SDC2: variants seen among roughly 807,000 people sequenced by gnomAD.
SDC2 encodes syndecan 2, also known as syndecan-2.
A neutral mutation model predicts 22.2 loss-of-function variants in SDC2; 13 were observed. The observed-to-expected ratio is 0.59, with a 90% confidence interval of 0.38 to 0.93. The LOEUF is 0.93. Among genes scored for constraint, SDC2 ranks in the 40% least tolerant of loss-of-function variants. The pLI, the probability that SDC2 is intolerant of heterozygous loss-of-function variation, is 0.00. For synonymous variants in SDC2, 94 were observed against 92.8 expected (o/e 1.01, Z -0.07); for missense variants, 235 against 246.8 (o/e 0.95, Z 0.32).
intron 4 of SDC2, 90 bp downstream of exon 4, chr8:96,608,560 G>GCAC: frequency 8.4e-7 from 1 of 1,195,734 alleles, no homozygotes; most frequent in Non-Finnish European, 1.2e-6. Flanking sequence ...AAAGCTTGCT[G>GCAC]TCATCTTTCT....
chr8:96,589,200 CA>C (rs1386597733), intron 1 of SDC2, among the ~76,000 whole-genome samples: 3 of 152,134 alleles, frequency 2.0e-5, no homozygotes, highest in African/African-American at 7.2e-5. Flanking sequence ...CTCAATTTTC[CA>C]ACCTAAAGGT....
Position 96,499,770 on chromosome 8 carries a change from T to C in SDC2, c.60+5439T>C, listed in dbSNP as rs142230408. Among the ~76,000 whole-genome samples the C allele has an allele frequency of 3.7e-3, 558 of 152,050 alleles. 5 individuals carry two copies. Among genetic ancestry groups the C allele is most frequent in the African/African-American group, 0.01 (417 of 41,498 alleles). On this transcript the variant is annotated intron_variant, in intron 1 of 4. Transcript: ENST00000302190. ...TCCTTTCCTCTCTTGGCCTTTTTTTTTTTGGCAATGAAATGAATGAAATGA... is the reference window on the plus strand; with the variant it reads ...TCCTTTCCTCTCTTGGCCTTTTTTTCTTTGGCAATGAAATGAATGAAATGA...
At chr8:96,602,719 T>G (rs1484084164) in intron 3 of SDC2, among the ~76,000 whole-genome samples, 191 bp downstream of exon 3, 1 of 152,210 alleles carries the variant, frequency 6.6e-6, no homozygotes, top group South Asian at 2.1e-4. Flanking sequence ...TCAGGTGGTG[T>G]TATAAATGGC....
At chr8:96,546,808 C>G (rs1383794015) in intron 1 of SDC2, among the ~76,000 whole-genome samples, 1 of 152,184 alleles carries the variant, frequency 6.6e-6, no homozygotes, top group Non-Finnish European at 1.5e-5. Flanking sequence ...CATTAAAGAT[C>G]CGTCAGAACG....
chr8:96,549,122 T>C (rs949624529), intron 1 of SDC2, among the ~76,000 whole-genome samples: 14 of 152,178 alleles, frequency 9.2e-5, no homozygotes, highest in Admixed American at 7.2e-4. Context: ...AATCTGAGTA[T>C]AGGAATCTAA....
chr8:96,558,028 A>G (rs1159346527), intron 1 of SDC2, among the ~76,000 whole-genome samples: 3 of 152,068 alleles, frequency 2.0e-5, no homozygotes, highest in Non-Finnish European at 4.4e-5. Context: ...AAAGCCCATA[A>G]TTGGTACACA....
chr8:96,572,031 C>T (rs964782278), intron 1 of SDC2, among the ~76,000 whole-genome samples: 1 of 152,062 alleles, frequency 6.6e-6, no homozygotes, highest in East Asian at 1.9e-4. Context: ...TTTGTTTATC[C>T]TTCTGTTAAA....
intron 1 of SDC2, among the ~76,000 whole-genome samples, chr8:96,498,594 G>A (rs958789785): frequency 6.6e-6 from 1 of 151,908 alleles, no homozygotes; most frequent in Non-Finnish European, 1.5e-5. Flanking sequence ...AGGTTCAAGC[G>A]ATTCTCCTGC....
chr8:96,554,087 G>A (rs917254171), intron 1 of SDC2, among the ~76,000 whole-genome samples: 4 of 151,988 alleles, frequency 2.6e-5, no homozygotes, highest in Admixed American at 6.6e-5. Flanking sequence ...TACTGTACCC[G>A]GCCTAATTTT....
At chr8:96,545,802 G>A (rs1030201954) in intron 1 of SDC2, among the ~76,000 whole-genome samples, 4 of 152,188 alleles carry the variant, frequency 2.6e-5, no homozygotes, top group Non-Finnish European at 5.9e-5. Context: ...AACTTGGTGT[G>A]ATGGAATCCC....
intron 1 of SDC2, among the ~76,000 whole-genome samples, chr8:96,560,860 C>A (rs551242451): frequency 5.3e-5 from 8 of 152,156 alleles, no homozygotes; most frequent in Non-Finnish European, 1.0e-4. Context: ...AATCCCAACA[C>A]TTTGGGAGGC....
At chr8:96,574,737 A>T (rs1390595105) in intron 1 of SDC2, among the ~76,000 whole-genome samples, 1 of 152,172 alleles carries the variant, frequency 6.6e-6, no homozygotes, top group African/African-American at 2.4e-5. Flanking sequence ...AAGACATTTA[A>T]TGCCTCCTAT....
intron 1 of SDC2, among the ~76,000 whole-genome samples, chr8:96,500,110 G>T (rs1320758889): frequency 6.6e-6 from 1 of 152,166 alleles, no homozygotes; most frequent in Non-Finnish European, 1.5e-5. Context: ...TCTGCACTCA[G>T]TGTCATCAGC....
intron 1 of SDC2, among the ~76,000 whole-genome samples, chr8:96,502,799 T>A (rs890215658): frequency 3.9e-5 from 6 of 152,222 alleles, no homozygotes; most frequent in African/African-American, 1.4e-4. Context: ...GTTTTTAGGA[T>A]TATGTGAGAC....
At chr8:96,583,038 T>C (rs1814615178) in intron 1 of SDC2, among the ~76,000 whole-genome samples, 1 of 148,320 alleles carries the variant, frequency 6.7e-6, no homozygotes, top group African/African-American at 2.5e-5. Context: ...GTTCTGTGAG[T>C]TGGCATTTTT....
intron 1 of SDC2, among the ~76,000 whole-genome samples, chr8:96,589,386 TTTTG>T (rs142470441): frequency 0.91 from 137,454 of 150,774 alleles, 62,954 homozygotes; most frequent in Non-Finnish European, 0.96. Context: ...AGGACTTTTG[TTTTG>T]TTTGTTTGTT....
At chr8:96,521,089 C>T (rs1448990517) in intron 1 of SDC2, among the ~76,000 whole-genome samples, 2 of 152,202 alleles carry the variant, frequency 1.3e-5, no homozygotes, top group East Asian at 3.9e-4. Context: ...AAACTTAAGT[C>T]CAGGTGTCTT....
chr8:96,544,137 C>T (rs1300191250), intron 1 of SDC2, among the ~76,000 whole-genome samples: 2 of 152,076 alleles, frequency 1.3e-5, no homozygotes, highest in East Asian at 3.9e-4. Flanking sequence ...AATTGCTTTT[C>T]TGTTTTGGTT....
At chr8:96,535,189 A>C (rs1278912659) in intron 1 of SDC2, among the ~76,000 whole-genome samples, 2 of 152,034 alleles carry the variant, frequency 1.3e-5, no homozygotes, top group African/African-American at 4.8e-5. Context: ...TTGTATTTTT[A>C]GTAGAGATGG....
Sources: gnomAD v4.1 joint callset for allele counts (sites outside exome capture counted in the v4.1 genomes callset) on GRCh38, gnomAD v4.1.1 for gene constraint, MANE v1.5 for transcripts, NCBI Gene and HGNC (gene_info 2026-07-23, HGNC 2026-07-21) for gene names.